RAB43: variants seen among roughly 807,000 people sequenced by gnomAD.
RAB43 encodes ras-related protein Rab-43.
A neutral mutation model predicts 18.8 loss-of-function variants in RAB43; 6 were observed. The ratio of observed to expected loss-of-function variants is 0.32; its 90% CI spans 0.17 to 0.63. The LOEUF is 0.63. Ranked by LOEUF, RAB43 falls within the 30% of genes least tolerant of loss-of-function variation. The pLI, the probability that RAB43 is intolerant of heterozygous loss-of-function variation, is 0.79. For missense variants in RAB43, 195 were observed against 289.1 expected (o/e 0.67, Z 2.36); for synonymous variants, 103 against 124.1 (o/e 0.83, Z 1.13).
chr3:129,094,270 C>T (rs927339967), intron 2 of RAB43, among the ~76,000 whole-genome samples: 3 of 152,122 alleles, frequency 2.0e-5, no homozygotes, highest in African/African-American at 7.2e-5. Context: ...TGCGGCACAA[C>T]AGAGAAAGCC....
Position 129,095,173 on chromosome 3 carries a change from A to C in RAB43, c.205-4T>G. 6.2e-7 allele frequency: 1 copy of C among 1,613,026 alleles called. No individual in the cohort carries two copies. Among genetic ancestry groups the C allele is most frequent in the Non-Finnish European group, 8.5e-7 (1 of 1,179,438 alleles). ...CGGCCGTGTCCCAGATCTGCAGCTAAAGAAATAAGGTTCCTCAGTGAACCC... is the reference window on the plus strand; with the variant it reads ...CGGCCGTGTCCCAGATCTGCAGCTACAGAAATAAGGTTCCTCAGTGAACCC... On this transcript the variant is annotated splice_region_variant and splice_polypyrimidine_tract_variant and intron_variant, in intron 1 of 2. Coordinates refer to ENST00000315150, the MANE Select transcript of RAB43 (RefSeq NM_198490.3). The surrounding 1 kb of genome is among the most constrained non-coding windows in gnomAD (Gnocchi z 4.2).
intron 1 of RAB43, among the ~76,000 whole-genome samples, chr3:129,114,001 T>C (rs892170330): frequency 3.8e-4 from 57 of 151,998 alleles, no homozygotes; most frequent in African/African-American, 1.3e-3. Flanking sequence ...GCCACTGCAC[T>C]CCACCTGGTG....
At chr3:129,093,974 A>C (rs1375862136) in intron 2 of RAB43, among the ~76,000 whole-genome samples, 1 of 152,232 alleles carries the variant, frequency 6.6e-6, no homozygotes, top group Non-Finnish European at 1.5e-5. Context: ...TGAGGACCCC[A>C]GGGATAACAT....
chr3:129,108,486 G>A (rs190346892), intron 1 of RAB43, among the ~76,000 whole-genome samples: 1 of 152,356 alleles, frequency 6.6e-6, no homozygotes, highest in East Asian at 1.9e-4. Flanking sequence ...AGTCCCCAGA[G>A]ACTGCCTCTT....
intron 1 of RAB43, among the ~76,000 whole-genome samples, chr3:129,102,788 C>G (rs1006253251): frequency 1.3e-5 from 2 of 152,030 alleles, no homozygotes; most frequent in Non-Finnish European, 2.9e-5. Flanking sequence ...TTCCCCAGAC[C>G]AGACCCCTCC....
rs375057040 is a variant in RAB43 at position 129,095,147 on chromosome 3, C to T, written c.227G>A (p.Gly76Asp). The T allele has an allele frequency of 6.2e-7, 1 of 1,612,802 alleles. No homozygotes were observed. The highest frequency in any genetic ancestry group is 8.5e-7 in the Non-Finnish European group (1 of 1,179,432). Residue 76 changes from glycine to aspartate, a missense_variant, in exon 2 of 3, where the codon GGC becomes GAC. Physicochemically the swap from Gly to Asp is moderately conservative, Grantham distance 94. Coordinates refer to ENST00000315150, the MANE Select transcript of RAB43 (RefSeq NM_198490.3). The surrounding 1 kb of genome is among the most constrained non-coding windows in gnomAD (Gnocchi z 4.2). ...GGTGATGGTGCGGAACCGCTCCTGG[C>T]CGGCCGTGTCCCAGATCTGCAGCTA... The part of the protein sequence containing the change: ...RVKLQIWDTA[G>D]QERFRTITQS...
chr3:129,119,003 A>C (rs2107586252), intron 1 of RAB43, among the ~76,000 whole-genome samples: 1 of 152,364 alleles, frequency 6.6e-6, no homozygotes, highest in Non-Finnish European at 1.5e-5. Context: ...ACAGAAGAAC[A>C]AAAGAACTTT....
At chr3:129,097,429 C>T (rs895179390) in intron 1 of RAB43, among the ~76,000 whole-genome samples, 3 of 152,198 alleles carry the variant, frequency 2.0e-5, no homozygotes, top group African/African-American at 7.2e-5. Context: ...GAATTCTCTA[C>T]CCAACCAACC....
chr3:129,093,294 G>A (rs1037113805), intron 2 of RAB43, among the ~76,000 whole-genome samples: 1 of 152,058 alleles, frequency 6.6e-6, no homozygotes, highest in East Asian at 1.9e-4. Flanking sequence ...AGGCTGGAAT[G>A]TTTTTCAGAA....
rs774980706 is a variant in RAB43, at chr3:129,091,312, G to A, written c.423C>T (p.Val141=). ...CCAGGCTCTGTGCCTCAGCCAAGGAGACCTCCCGAAGCTCGCTGAGGTCTG... is the reference window on the plus strand; with the variant it reads ...CCAGGCTCTGTGCCTCAGCCAAGGAAACCTCCCGAAGCTCGCTGAGGTCTG... ...NKSDLSELRE[V]SLAEAQSLAE... is the part of the protein sequence containing the mutation. Residue 141 remains valine (V), a synonymous_variant, in exon 3 of 3, where the codon GTC becomes GTT. Transcript: ENST00000315150. The A allele has an allele frequency of 3.7e-6, 6 of 1,600,744 alleles. No homozygotes were observed. The highest frequency in any genetic ancestry group is 3.3e-4 in the Middle Eastern group (2 of 6,036).
Position 129,095,364 on chromosome 3 carries a change from C to A in RAB43, c.205-195G>T, listed in dbSNP as rs1050626353. ...CAAAGGGAAGGTGAGCAGCCCCTGT[C>A]CTGGCCCTCTAGGGTCCCCAGGGAA... On this transcript the variant is annotated intron_variant, in intron 1 of 2. Transcript: ENST00000315150. The surrounding 1 kb of genome is among the most constrained non-coding windows in gnomAD (Gnocchi z 4.2). 2.6e-5 allele frequency among the ~76,000 whole-genome samples: 4 copies of A among 152,174 alleles called. No individual in the cohort carries two copies. The highest frequency in any genetic ancestry group is 9.7e-5 in the African/African-American group (4 of 41,444).
chr3:129,117,409 G>A (rs1935616677), intron 1 of RAB43, among the ~76,000 whole-genome samples: 1 of 152,190 alleles, frequency 6.6e-6, no homozygotes, highest in Non-Finnish European at 1.5e-5. Flanking sequence ...AGTGCTCTCT[G>A]TCAGAGACTC....
chr3:129,118,096 C>A (rs1935664544), intron 1 of RAB43, among the ~76,000 whole-genome samples: 1 of 152,146 alleles, frequency 6.6e-6, no homozygotes, highest in African/African-American at 2.4e-5. Flanking sequence ...GATGAAGTAG[C>A]AGTTACGTGG....
chr3:129,116,264 G>C (rs1438198914), intron 1 of RAB43, among the ~76,000 whole-genome samples: 1 of 152,150 alleles, frequency 6.6e-6, no homozygotes, highest in Non-Finnish European at 1.5e-5. Context: ...TCTAAAGCTG[G>C]CCCTCTTTCC....
At chr3:129,120,777 CAA>C (rs985190156) in intron 1 of RAB43, among the ~76,000 whole-genome samples, 70 of 152,300 alleles carry the variant, frequency 4.6e-4, no homozygotes, top group African/African-American at 1.5e-3. Context: ...GAAATTCTGA[CAA>C]AAAGTTTTGG....
intron 1 of RAB43, among the ~76,000 whole-genome samples, chr3:129,104,307 C>T (rs1410128956): frequency 2.0e-5 from 3 of 152,224 alleles, no homozygotes; most frequent in Non-Finnish European, 4.4e-5. Flanking sequence ...GCACACTCAC[C>T]TGACCAGCCA....
In RAB43 at chr3:129,121,527, T is replaced by C. The variant is rs1338888130; in HGVS notation, c.-38A>G. On this transcript the variant is annotated 5_prime_UTR_variant, in exon 1 of 3. Coordinates refer to ENST00000315150, the MANE Select transcript of RAB43 (RefSeq NM_198490.3). Reference sequence around the variant, plus strand: ...GCCGAAGGGCCGGCGCTCTGGACGCTGGGACCGGCCTGAGCTCACGCAAGC... The same window carrying C: ...GCCGAAGGGCCGGCGCTCTGGACGCCGGGACCGGCCTGAGCTCACGCAAGC... 4.5e-6 allele frequency: 7 copies of C among 1,542,974 alleles called. No homozygotes were observed. In the East Asian group the frequency reaches 1.7e-4, roughly 37 times the overall value.
At chr3:129,103,627 C>A (rs371371431) in intron 1 of RAB43, among the ~76,000 whole-genome samples, 1 of 151,864 alleles carries the variant, frequency 6.6e-6, no homozygotes, top group African/African-American at 2.4e-5. Context: ...TGCAGTGGCA[C>A]GATCTCTGCT....
intron 1 of RAB43, among the ~76,000 whole-genome samples, chr3:129,109,344 AG>A (rs1265400765): frequency 6.7e-6 from 1 of 148,758 alleles, no homozygotes; most frequent in Admixed American, 6.8e-5. Context: ...TGGCAGGCGG[AG>A]CTTGCAGTGA....
Sources: allele counts gnomAD v4.1 joint callset (sites outside exome capture counted in the v4.1 genomes callset), GRCh38; gene constraint gnomAD v4.1.1; non-coding constraint Gnocchi (gnomAD v3.1); transcripts MANE v1.5; gene names NCBI Gene and HGNC (gene_info 2026-07-23, HGNC 2026-07-21).